The following LMAN2L variants were observed in gnomAD, a reference collection of about 807,000 sequenced individuals.
LMAN2L encodes the protein lectin, mannose binding 2 like, also known as VIP36-like protein.
In LMAN2L, 30 loss-of-function variants were observed where a neutral mutation model predicts 44.3. The observed-to-expected ratio is 0.68, with a 90% confidence interval of 0.51 to 0.92. LMAN2L has a LOEUF of 0.92. Ranked by LOEUF, LMAN2L falls within the 40% of genes least tolerant of loss-of-function variation. LMAN2L has a pLI of 0.00. For missense variants in LMAN2L, 429 were observed against 446.1 expected, an observed-to-expected ratio of 0.96 and a Z score of 0.35; for synonymous variants, 183 against 171.1, an observed-to-expected ratio of 1.07 and a Z score of -0.54.
chr2:96,739,265 T>G (rs562293798), intron 1 of LMAN2L, among the ~76,000 whole-genome samples: 3 of 152,202 alleles, frequency 2.0e-5, no homozygotes, highest in African/African-American at 7.2e-5. Flanking sequence ...TACGCCTTAG[T>G]GGGGAAAGAC....
chr2:96,713,207 A>G, intron 4 of LMAN2L: 1 of 1,348,944 alleles, frequency 7.4e-7, no homozygotes, highest in Non-Finnish European at 1.0e-6. Flanking sequence ...CAAGTCAGAA[A>G]GACACAGCCA....
chr2:96,730,043 T>C (rs1267713936), intron 4 of LMAN2L, among the ~76,000 whole-genome samples: 3 of 152,162 alleles, frequency 2.0e-5, no homozygotes, highest in African/African-American at 7.2e-5. Flanking sequence ...CCAGAAAAGA[T>C]GTCTCAATTT....
intron 4 of LMAN2L, among the ~76,000 whole-genome samples, chr2:96,715,681 A>C (rs938531952): frequency 4.6e-5 from 7 of 152,246 alleles, no homozygotes; most frequent in Non-Finnish European, 7.3e-5. Context: ...CTACAAGACT[A>C]CTTTTAAAAA....
At chr2:96,708,810 A>T (rs893411252) in intron 6 of LMAN2L, among the ~76,000 whole-genome samples, 4 of 152,170 alleles carry the variant, frequency 2.6e-5, no homozygotes, top group Admixed American at 1.3e-4. Flanking sequence ...ACCAGAGAGA[A>T]GATCAAGCAA....
chr2:96,717,668 C>T (rs532950870), intron 4 of LMAN2L, among the ~76,000 whole-genome samples: 3 of 151,834 alleles, frequency 2.0e-5, no homozygotes, highest in East Asian at 2.0e-4. Context: ...GGAGAAACCC[C>T]GTCCCTATTA....
intron 4 of LMAN2L, among the ~76,000 whole-genome samples, chr2:96,720,418 A>G (rs1160364154): frequency 1.3e-5 from 2 of 152,130 alleles, no homozygotes; most frequent in Non-Finnish European, 2.9e-5. Flanking sequence ...TTTGTGTGAG[A>G]AAGTGATGAT....
chr2:96,719,115 GTCTT>G (rs1296001483), intron 4 of LMAN2L, among the ~76,000 whole-genome samples: 1 of 152,112 alleles, frequency 6.6e-6, no homozygotes, highest in Non-Finnish European at 1.5e-5. Flanking sequence ...CATTATGTAT[GTCTT>G]TATTTCACTG....
intron 4 of LMAN2L, among the ~76,000 whole-genome samples, chr2:96,724,854 T>C (rs1213652370): frequency 6.6e-6 from 1 of 150,686 alleles, no homozygotes; most frequent in Non-Finnish European, 1.5e-5. Context: ...TTTTTTTTGA[T>C]GGAGTCTTGC....
At chr2:96,711,454 C>A (rs1329770919) in intron 6 of LMAN2L, among the ~76,000 whole-genome samples, 2 of 152,222 alleles carry the variant, frequency 1.3e-5, no homozygotes, top group Admixed American at 1.3e-4. Context: ...CACCAACCAT[C>A]TTCTAGTGAC....
intron 2 of LMAN2L, among the ~76,000 whole-genome samples, chr2:96,735,701 G>A (rs2078500010): frequency 6.6e-6 from 1 of 152,232 alleles, no homozygotes; most frequent in South Asian, 2.1e-4. Flanking sequence ...TAGCCGGTGT[G>A]GTGGTGGGCG....
At chr2:96,715,389 C>T (rs1471648674) in intron 4 of LMAN2L, among the ~76,000 whole-genome samples, 1 of 152,238 alleles carries the variant, frequency 6.6e-6, no homozygotes, top group Non-Finnish European at 1.5e-5. Context: ...TTTAACCTCA[C>T]ATTAGTGTAA....
intron 2 of LMAN2L, among the ~76,000 whole-genome samples, chr2:96,736,770 A>G (rs1331054838): frequency 2.0e-5 from 3 of 152,226 alleles, no homozygotes; most frequent in African/African-American, 7.2e-5. Flanking sequence ...GGCTCACAGG[A>G]GGACTGTGAC....
chr2:96,726,042 G>A (rs1322204514), intron 4 of LMAN2L, among the ~76,000 whole-genome samples: 3 of 151,372 alleles, frequency 2.0e-5, no homozygotes, highest in Non-Finnish European at 4.4e-5. Flanking sequence ...TGAGGCAGAA[G>A]AATCACTTGA....
At position 96,740,018 on chromosome 2, in the gene LMAN2L, A is replaced by AG. The variant is rs767860747; in HGVS notation, c.22dup (p.Leu8ProfsTer87). 35 of 1,612,386 alleles carry AG rather than the reference A, an allele frequency of 2.2e-5. No homozygotes were observed. The highest frequency in any genetic ancestry group is 8.3e-5 in the Admixed American group (5 of 59,938). On this transcript the variant is annotated frameshift_variant, in exon 1 of 8. Coordinates refer to ENST00000264963, the MANE Select transcript of LMAN2L (RefSeq NM_030805.4). LOFTEE classifies it high-confidence loss of function. ...TCGCCGCCACTGCTGCCACGACCCA[A>AG]GGGGTCCCAGAGTCGCCGCCATCTT... is the stretch of plus-strand genomic sequence containing the variant.
At chr2:96,719,085 C>T (rs967456817) in intron 4 of LMAN2L, among the ~76,000 whole-genome samples, 2 of 152,152 alleles carry the variant, frequency 1.3e-5, no homozygotes, top group Non-Finnish European at 2.9e-5. Flanking sequence ...ATTACAAGTA[C>T]CAAGTTTCAG....
intron 7 of LMAN2L, 106 bp downstream of exon 7, chr2:96,707,608 C>T (rs1272447224): frequency 2.1e-6 from 3 of 1,415,170 alleles, no homozygotes; most frequent in Non-Finnish European, 2.9e-6. Context: ...GCTCCCTACC[C>T]TTCAGAAGAA....
At chr2:96,711,096 G>A (rs993499667) in intron 6 of LMAN2L, among the ~76,000 whole-genome samples, 2 of 152,206 alleles carry the variant, frequency 1.3e-5, no homozygotes, top group African/African-American at 4.8e-5. Context: ...GGGTGAGAAC[G>A]AGAATAGAGT....
At chr2:96,734,291 C>A in intron 3 of LMAN2L, 118 bp downstream of exon 3, 2 of 730,432 alleles carry the variant, frequency 2.7e-6, no homozygotes, top group East Asian at 2.5e-5. Flanking sequence ...TGTTCATCCA[C>A]ATACATTAAG....
At chr2:96,737,461 G>A (rs1001304722) in intron 2 of LMAN2L, among the ~76,000 whole-genome samples, 3 of 152,080 alleles carry the variant, frequency 2.0e-5, no homozygotes, top group African/African-American at 7.2e-5. Flanking sequence ...ACCAGCCTGG[G>A]CAACATAGCA....
Sources: allele counts gnomAD v4.1 joint callset (sites outside exome capture counted in the v4.1 genomes callset), GRCh38; gene constraint gnomAD v4.1.1; transcripts MANE v1.5; gene names NCBI Gene and HGNC (gene_info 2026-07-23, HGNC 2026-07-21).